The following RSBN1L variants were observed in gnomAD, a reference collection of about 807,000 sequenced individuals.
RSBN1L encodes lysine-specific demethylase RSBN1L.
Under a neutral mutation model 67.7 loss-of-function variants are expected in RSBN1L, and 30 were observed. The observed-to-expected ratio is 0.44, with a 90% CI of 0.33 to 0.60. RSBN1L has a LOEUF of 0.60. Ranked by LOEUF, RSBN1L falls within the 20% of genes least tolerant of loss-of-function variation. RSBN1L has a pLI of 0.02. For missense variants in RSBN1L, 992 were observed against 1,031.7 expected (o/e 0.96, Z 0.53); for synonymous variants, 433 against 387.0 (o/e 1.12, Z -1.39).
chr7:77,733,683 G>C (rs188063172), intron 1 of RSBN1L, among the ~76,000 whole-genome samples: 11 of 151,992 alleles, frequency 7.2e-5, no homozygotes, highest in African/African-American at 2.7e-4. Context: ...TTTGTTTTTG[G>C]AATGTATGTA....
At chr7:77,742,844 C>A (rs1791431622) in intron 2 of RSBN1L, among the ~76,000 whole-genome samples, 1 of 152,070 alleles carries the variant, frequency 6.6e-6, no homozygotes, top group South Asian at 2.1e-4. Flanking sequence ...TCTTAAACAA[C>A]AACAACAACA....
intron 1 of RSBN1L, among the ~76,000 whole-genome samples, chr7:77,711,460 C>T (rs1033072340): frequency 6.6e-6 from 1 of 151,954 alleles, no homozygotes; most frequent in African/African-American, 2.4e-5. Context: ...TTGCCCCAGC[C>T]TCCTGAGTAG....
chr7:77,754,868 CAAAG>C (rs975484782), intron 3 of RSBN1L, among the ~76,000 whole-genome samples: 6 of 151,854 alleles, frequency 4.0e-5, no homozygotes, highest in African/African-American at 1.2e-4. Flanking sequence ...GATCCTGTCT[CAAAG>C]AAAACCCCAA....
chr7:77,766,863 C>G (rs1187191927), intron 4 of RSBN1L, among the ~76,000 whole-genome samples: 1 of 151,614 alleles, frequency 6.6e-6, no homozygotes, highest in African/African-American at 2.4e-5. Flanking sequence ...CTTTTTGTTC[C>G]TTTTCTACTT....
chr7:77,735,635 A>G (rs1408087507), intron 1 of RSBN1L, among the ~76,000 whole-genome samples: 2 of 152,146 alleles, frequency 1.3e-5, no homozygotes, highest in Non-Finnish European at 2.9e-5. Context: ...GTATACTTCC[A>G]TCATGGTTTT....
chr7:77,747,573 A>G (rs1342255034), intron 2 of RSBN1L, among the ~76,000 whole-genome samples: 1 of 152,198 alleles, frequency 6.6e-6, no homozygotes, highest in African/African-American at 2.4e-5. Flanking sequence ...TCTATGTGGT[A>G]TTAAGCCTGC....
chr7:77,749,038 G>A (rs1389041836), intron 2 of RSBN1L, among the ~76,000 whole-genome samples: 4 of 152,054 alleles, frequency 2.6e-5, no homozygotes, highest in Non-Finnish European at 5.9e-5. Context: ...GGCAGATCAC[G>A]AGGTCAGGAG....
In RSBN1L at chr7:77,778,368, A is replaced by C; in HGVS notation, c.1824A>C (p.Val608=). The part of the protein sequence containing the change: ...WPDQPRITKD[V]ICFHAEDFLE... ...ATCAACCCCGTATAACCAAAGATGTAATTTGTTTTCATGCTGAAGATTTCT... is the reference window on the plus strand; with the variant it reads ...ATCAACCCCGTATAACCAAAGATGTCATTTGTTTTCATGCTGAAGATTTCT... Residue 608 remains valine (V), a synonymous_variant, in exon 7 of 8, where the codon GTA becomes GTC. Transcript: ENST00000334955. The C allele has an allele frequency of 6.2e-7, 1 of 1,612,616 alleles. No individual in the cohort carries two copies. The highest frequency in any genetic ancestry group is 8.5e-7 in the Non-Finnish European group (1 of 1,179,452).
chr7:77,734,798 A>AACTATAAAC (rs1791312385), intron 1 of RSBN1L, among the ~76,000 whole-genome samples: 2 of 152,180 alleles, frequency 1.3e-5, no homozygotes, highest in Admixed American at 1.3e-4. Context: ...CTGGAGTAAC[A>AACTATAAAC]TTTTATAGCT....
chr7:77,708,960 A>G (rs1790931084), intron 1 of RSBN1L, among the ~76,000 whole-genome samples: 1 of 152,252 alleles, frequency 6.6e-6, no homozygotes, highest in Non-Finnish European at 1.5e-5. Flanking sequence ...AGAAGGATTC[A>G]TAGATATTTT....
At chr7:77,707,347 T>C (rs1048834293) in intron 1 of RSBN1L, among the ~76,000 whole-genome samples, 3 of 152,194 alleles carry the variant, frequency 2.0e-5, no homozygotes, top group African/African-American at 7.2e-5. Context: ...TATAAAGTCC[T>C]TCAGAGCAGG....
At chr7:77,777,262 A>G (rs1791930584) in intron 6 of RSBN1L, among the ~76,000 whole-genome samples, 1 of 152,092 alleles carries the variant, frequency 6.6e-6, no homozygotes, top group South Asian at 2.1e-4. Context: ...TGCTTTAAAG[A>G]ATCATTTCTA....
At chr7:77,734,050 C>T (rs1457164930) in intron 1 of RSBN1L, among the ~76,000 whole-genome samples, 5 of 152,124 alleles carry the variant, frequency 3.3e-5, no homozygotes, top group South Asian at 2.1e-4. Flanking sequence ...TGCTTCAACC[C>T]GGGAGGTGGA....
At chr7:77,722,066 T>A (rs1432299121) in intron 1 of RSBN1L, among the ~76,000 whole-genome samples, 1 of 152,182 alleles carries the variant, frequency 6.6e-6, no homozygotes, top group Non-Finnish European at 1.5e-5. Context: ...AAGAAAGAAG[T>A]ATTATTAGTG....
chr7:77,717,400 C>T (rs1328230874), intron 1 of RSBN1L, among the ~76,000 whole-genome samples: 1 of 152,078 alleles, frequency 6.6e-6, no homozygotes, highest in Non-Finnish European at 1.5e-5. Context: ...GGTTTTTCTA[C>T]ATATAATTGG....
intron 2 of RSBN1L, among the ~76,000 whole-genome samples, chr7:77,737,241 G>A (rs1183000247): frequency 6.6e-6 from 1 of 152,156 alleles, no homozygotes; most frequent in African/African-American, 2.4e-5. Context: ...GCATTCGGTT[G>A]CTAGACAACT....
intron 1 of RSBN1L, among the ~76,000 whole-genome samples, chr7:77,721,684 C>T (rs1345821575): frequency 6.6e-6 from 1 of 151,992 alleles, no homozygotes; most frequent in Non-Finnish European, 1.5e-5. Context: ...ATCAAGTAAT[C>T]CGGAATCTTG....
At position 77,750,030 on chromosome 7, in the gene RSBN1L, T is replaced by C. The variant is rs900924120; in HGVS notation, c.1310T>C (p.Ile437Thr). 1.2e-6 allele frequency: 2 copies of C among 1,610,538 alleles called. No individual in the cohort carries two copies. Among genetic ancestry groups the C allele is most frequent in the African/African-American group, 1.3e-5 (1 of 74,648 alleles). ...ATGGAGATATTGGGAAAGAAAGATATAGAGACAACGACTATGTCCAATTTT... is the reference window on the plus strand; with the variant it reads ...ATGGAGATATTGGGAAAGAAAGATACAGAGACAACGACTATGTCCAATTTT... The part of the protein sequence containing the change: ...VKMEILGKKD[I>T]ETTTMSNFHA... Residue 437 changes from isoleucine (I) to threonine (T), a missense_variant, in exon 3 of 8, where the codon ATA becomes ACA. Coordinates refer to ENST00000334955, the MANE Select transcript of RSBN1L (RefSeq NM_198467.3).
In RSBN1L at chr7:77,696,943, C is replaced by G. The variant is rs1407707088; in HGVS notation, c.474C>G (p.Arg158=). ...CTGCCTCGGCTAACGCCAAGTCGCGCAGACCTAAGGAGAAGCGGGAGAAGG... is the reference window on the plus strand; with the variant it reads ...CTGCCTCGGCTAACGCCAAGTCGCGGAGACCTAAGGAGAAGCGGGAGAAGG... ...AAAASANAKS[R]RPKEKREKER... Residue 158 remains arginine, a synonymous_variant, in exon 1 of 8, where the codon CGC becomes CGG. Coordinates refer to ENST00000334955, the MANE Select transcript of RSBN1L (RefSeq NM_198467.3). The G allele has an allele frequency of 6.3e-7, 1 of 1,596,652 alleles. No individual in the cohort carries two copies. Among genetic ancestry groups the G allele is most frequent in the South Asian group, 1.1e-5 (1 of 90,220 alleles).
Sources: allele counts gnomAD v4.1 joint callset (sites outside exome capture counted in the v4.1 genomes callset), GRCh38; gene constraint gnomAD v4.1.1; transcripts MANE v1.5; gene names NCBI Gene and HGNC (gene_info 2026-07-23, HGNC 2026-07-21).